CIMIP2A: variants seen among roughly 807,000 people sequenced by gnomAD.
CIMIP2A encodes the protein family with sequence similarity 166 member A.
At chr9:137,246,595 C>CT in the CIMIP2A span, among the ~76,000 whole-genome samples, 1 of 152,032 alleles carries the variant, frequency 6.6e-6, no homozygotes, top group Non-Finnish European at 1.5e-5. Context: ...AACCCTGTCT[C>CT]TATTAAAAAT....
the CIMIP2A span, chr9:137,253,511 T>C: frequency 7.0e-7 from 1 of 1,421,306 alleles, no homozygotes; most frequent in Non-Finnish European, 9.2e-7. Flanking sequence ...TGTCTGTCCT[T>C]CACCCGGGGG....
the CIMIP2A span, among the ~76,000 whole-genome samples, chr9:137,247,471 C>T: frequency 6.6e-6 from 1 of 152,204 alleles, no homozygotes; most frequent in South Asian, 2.1e-4. Flanking sequence ...CCCCTGGCAA[C>T]CCCATCCCTG....
chr9:137,252,675 C>A, the CIMIP2A span: 1 of 1,548,332 alleles, frequency 6.5e-7, no homozygotes, highest in Non-Finnish European at 8.7e-7. Context: ...CCCTCGCCAG[C>A]CCACTACCAG....
chr9:137,245,922 A>C, the CIMIP2A span: 1 of 1,287,308 alleles, frequency 7.8e-7, no homozygotes. Context: ...GGGCCCCTTC[A>C]AGCCAGATGT....
At chr9:137,244,415 C>A in the CIMIP2A span, 1 of 1,552,486 alleles carries the variant, frequency 6.4e-7, no homozygotes, top group East Asian at 2.3e-5. Flanking sequence ...TCCCAGCCTT[C>A]TGCATCCCCC....
At chr9:137,245,757 G>A in the CIMIP2A span, 5 of 1,583,468 alleles carry the variant, frequency 3.2e-6, no homozygotes, top group Admixed American at 1.7e-5. Context: ...CAGAGCAGGG[G>A]CTCTTCTGCA....
At chr9:137,253,048 G>T in the CIMIP2A span, 1 of 710,718 alleles carries the variant, frequency 1.4e-6, no homozygotes, top group South Asian at 1.5e-5. Flanking sequence ...CCGGGGGTGG[G>T]AACTGGGAGC....
At chr9:137,247,608 TC>T in the CIMIP2A span, 1 of 1,558,218 alleles carries the variant, frequency 6.4e-7, no homozygotes. Flanking sequence ...CCAGCCATTC[TC>T]CCCCTCCTGC....
chr9:137,245,562 A>G, the CIMIP2A span: 6 of 1,613,616 alleles, frequency 3.7e-6, no homozygotes, highest in Middle Eastern at 1.6e-4. Flanking sequence ...TCAGACCTGT[A>G]CCAACAGGGC....
At chr9:137,253,274 G>A in the CIMIP2A span, 25 of 1,590,838 alleles carry the variant, frequency 1.6e-5, no homozygotes, top group Admixed American at 5.3e-5. Context: ...TGCTTGGCCC[G>A]GCCACCGAGT....
the CIMIP2A span, among the ~76,000 whole-genome samples, chr9:137,248,064 C>T: frequency 4.6e-5 from 7 of 152,208 alleles, no homozygotes; most frequent in African/African-American, 1.4e-4. Context: ...AGGGAGTCCC[C>T]AGGCCCCCTC....
chr9:137,246,393 G>A, the CIMIP2A span, among the ~76,000 whole-genome samples: 1 of 152,226 alleles, frequency 6.6e-6, no homozygotes, highest in South Asian at 2.1e-4. Flanking sequence ...GAGGGGCATG[G>A]TGCAGGTGGT....
the CIMIP2A span, chr9:137,245,787 C>G: frequency 6.5e-7 from 1 of 1,540,070 alleles, no homozygotes; most frequent in Non-Finnish European, 8.8e-7. Flanking sequence ...CTGTGAGCAG[C>G]TGCCCCGTGG....
the CIMIP2A span, among the ~76,000 whole-genome samples, chr9:137,249,018 G>GTT: frequency 6.7e-6 from 1 of 150,152 alleles, no homozygotes; most frequent in Non-Finnish European, 1.5e-5. Flanking sequence ...GACTAATATG[G>GTT]TTTTTTTTTT....
chr9:137,246,578 A>G, the CIMIP2A span, among the ~76,000 whole-genome samples: 1 of 152,176 alleles, frequency 6.6e-6, no homozygotes, highest in South Asian at 2.1e-4. Context: ...CCTGGCCAAC[A>G]TGGTGAAACC....
the CIMIP2A span, chr9:137,244,534 A>G: frequency 1.3e-6 from 2 of 1,532,278 alleles, no homozygotes; most frequent in East Asian, 2.4e-5. Context: ...CCCCCTCCTC[A>G]GGCTTCTCAG....
At chr9:137,253,005 T>A in the CIMIP2A span, 27 of 1,530,560 alleles carry the variant, frequency 1.8e-5, no homozygotes, top group East Asian at 5.7e-4. Context: ...GGATGGGGCA[T>A]GGGTGGGCAA....
the CIMIP2A span, chr9:137,245,230 AGGAAGCGGAGGTCACGGTGCAGCTCC>A: frequency 1.9e-6 from 3 of 1,576,254 alleles, no homozygotes; most frequent in Non-Finnish European, 1.7e-6. Context: ...TGGAGCGGGG[AGGAAGCGGAGGTCACGGTGCAGCTCC>A]CACCTGGGGC....
the CIMIP2A span, among the ~76,000 whole-genome samples, chr9:137,246,545 C>T: frequency 7.2e-5 from 11 of 151,798 alleles, no homozygotes; most frequent in Non-Finnish European, 1.0e-4. Flanking sequence ...GGGCGGATCA[C>T]GAGGTCAGGA....
Sources: gnomAD v4.1 joint callset for allele counts (sites outside exome capture counted in the v4.1 genomes callset) on GRCh38, gnomAD v4.1.1 for gene constraint, MANE v1.5 for transcripts, NCBI Gene and HGNC (gene_info 2026-07-23, HGNC 2026-07-21) for gene names.